UNC79: variants seen among roughly 807,000 people sequenced by gnomAD.
The protein encoded by UNC79 is protein unc-79 homolog.
In UNC79, 37 loss-of-function variants were observed where a neutral mutation model predicts 283.1. The observed-to-expected ratio is 0.13, with a 90% CI of 0.10 to 0.17. The LOEUF (loss-of-function observed/expected upper bound fraction) is 0.17. Ranked by LOEUF, UNC79 falls within the 10% of genes least tolerant of loss-of-function variation. UNC79 has a pLI of 1.00. For synonymous variants in UNC79, 1,107 were observed against 1,200.2 expected (o/e 0.92, Z 1.61); for missense variants, 2,272 against 3,211.1 (o/e 0.71, Z 7.07).
chr14:93,529,314 C>T, exon 10 of UNC79: 1 of 1,613,572 alleles, frequency 6.2e-7, no homozygotes, highest in South Asian at 1.1e-5. Context: ...GATTGATGTT[C>T]TTCTGCCACA....
chr14:93,522,278 T>C (rs1281724929), intron 7 of UNC79, among the ~76,000 whole-genome samples: 1 of 152,092 alleles, frequency 6.6e-6, no homozygotes, highest in Non-Finnish European at 1.5e-5. Context: ...TGAACTTCTG[T>C]AAAGCAATCT....
At chr14:93,375,742 C>G (rs1005007321) in intron 1 of UNC79, among the ~76,000 whole-genome samples, 1 of 152,062 alleles carries the variant, frequency 6.6e-6, no homozygotes, top group African/African-American at 2.4e-5. Flanking sequence ...CATGAGAGCT[C>G]TATCACGGGA....
At chr14:93,433,481 C>G (rs541682089) in intron 1 of UNC79, among the ~76,000 whole-genome samples, 33 of 152,190 alleles carry the variant, frequency 2.2e-4, no homozygotes, top group African/African-American at 7.9e-4. Flanking sequence ...AGATTGGCAG[C>G]ATTTTATCCT....
intron 47 of UNC79, among the ~76,000 whole-genome samples, chr14:93,704,394 G>A (rs544745079): frequency 6.6e-6 from 1 of 152,316 alleles, no homozygotes; most frequent in Non-Finnish European, 1.5e-5. Context: ...TTACTCTAAA[G>A]TGTGTATCTC....
intron 14 of UNC79, among the ~76,000 whole-genome samples, chr14:93,563,976 T>G (rs1288328329): frequency 6.6e-6 from 1 of 152,148 alleles, no homozygotes; most frequent in Non-Finnish European, 1.5e-5. Context: ...TTCATGATTT[T>G]GAGGGCCTCT....
At chr14:93,667,940 A>G (rs1213757914) in intron 40 of UNC79, among the ~76,000 whole-genome samples, 1 of 152,194 alleles carries the variant, frequency 6.6e-6, no homozygotes, top group African/African-American at 2.4e-5. Flanking sequence ...GCAAGAAAAT[A>G]ATTTTTTGTA....
chr14:93,530,852 T>A (rs539503835), intron 10 of UNC79, among the ~76,000 whole-genome samples: 2,141 of 152,180 alleles, frequency 0.014, 23 homozygotes, highest in Middle Eastern at 0.037. Context: ...GAGCTGGCAG[T>A]GAGCCGAGAT....
chr14:93,595,458 C>T (rs1417565473), intron 23 of UNC79, among the ~76,000 whole-genome samples: 1 of 152,080 alleles, frequency 6.6e-6, no homozygotes, highest in East Asian at 1.9e-4. Flanking sequence ...GAATAAAGTT[C>T]AGACTCCTTA....
At chr14:93,354,419 G>A (rs2054043884) in intron 1 of UNC79, among the ~76,000 whole-genome samples, 1 of 152,206 alleles carries the variant, frequency 6.6e-6, no homozygotes, top group African/African-American at 2.4e-5. Context: ...TTTTTAGCTT[G>A]GGATGCTCAA....
At chr14:93,335,489 AG>A in intron 1 of UNC79, among the ~76,000 whole-genome samples, 1 of 152,364 alleles carries the variant, frequency 6.6e-6, no homozygotes, top group Non-Finnish European at 1.5e-5. Flanking sequence ...CATTTTTTTA[AG>A]GCTAGTGTTA....
At chr14:93,679,564 T>C (rs1338109745) in intron 41 of UNC79, among the ~76,000 whole-genome samples, 3 of 152,242 alleles carry the variant, frequency 2.0e-5, no homozygotes, top group Non-Finnish European at 4.4e-5. Flanking sequence ...AGAAAGGTTT[T>C]CTTTTAAAGA....
At chr14:93,499,532 G>C (rs1182939366) in intron 7 of UNC79, among the ~76,000 whole-genome samples, 1 of 152,140 alleles carries the variant, frequency 6.6e-6, no homozygotes, top group Non-Finnish European at 1.5e-5. Context: ...TCTAGACATG[G>C]AAATCCATTC....
chr14:93,591,698 C>T (rs755303146), intron 22 of UNC79, among the ~76,000 whole-genome samples: 7 of 152,266 alleles, frequency 4.6e-5, no homozygotes, highest in Non-Finnish European at 1.0e-4. Flanking sequence ...AACGTCGTGA[C>T]TTTTGTCTGC....
chr14:93,436,297 G>T (rs1244034176), intron 1 of UNC79, among the ~76,000 whole-genome samples: 1 of 152,074 alleles, frequency 6.6e-6, no homozygotes, highest in Non-Finnish European at 1.5e-5. Context: ...TAAAACTACA[G>T]TTGTCAAAAG....
intron 41 of UNC79, among the ~76,000 whole-genome samples, chr14:93,679,964 CAGAA>C (rs1207144228): frequency 1.3e-5 from 2 of 151,962 alleles, no homozygotes; most frequent in Non-Finnish European, 2.9e-5. Flanking sequence ...AAAACAAAGA[CAGAA>C]AGGTTTATTA....
In UNC79 at chr14:93,550,531, A is replaced by AG. The variant is rs1354738342; in HGVS notation, c.1755+7835_1755+7836insG. Among the ~76,000 whole-genome samples, 79 of 144,222 alleles carry AG rather than the reference A, an allele frequency of 5.5e-4. 8 individuals are homozygous for AG. Among genetic ancestry groups the AG allele is most frequent in the East Asian group, 2.0e-3 (10 of 5,090 alleles). 94.6% of individuals were successfully genotyped at this position (144,222 alleles called of 152,430 possible). A position where few individuals can be genotyped will look rare whatever the true frequency, so the allele number is the denominator to read the frequency against. On this transcript the variant is annotated intron_variant, in intron 14 of 48. Transcript: ENST00000555664. ...CTCCGTATCAAAAAAAAAAAAAAAA[A>AG]AAAAAAAAAAGAGGAAGGAGTCTTC... is the stretch of plus-strand genomic sequence containing the variant.
intron 7 of UNC79, among the ~76,000 whole-genome samples, chr14:93,509,384 C>T (rs2059706832): frequency 1.3e-5 from 2 of 152,168 alleles, no homozygotes; most frequent in Non-Finnish European, 2.9e-5. Context: ...AAAGTCTTAA[C>T]TCATTGCAGC....
intron 1 of UNC79, among the ~76,000 whole-genome samples, chr14:93,459,749 C>A (rs1182173951): frequency 1.7e-5 from 2 of 115,664 alleles, no homozygotes; most frequent in African/African-American, 6.9e-5. Context: ...CGGCTCACTG[C>A]AAGCTCCGCC....
chr14:93,470,398 T>A (rs1207095511), intron 2 of UNC79, among the ~76,000 whole-genome samples: 1 of 152,194 alleles, frequency 6.6e-6, no homozygotes, highest in Non-Finnish European at 1.5e-5. Context: ...TAGTTGACTA[T>A]AAAATCAGTT....
Sources: gnomAD v4.1 joint callset for allele counts (sites outside exome capture counted in the v4.1 genomes callset) on GRCh38, gnomAD v4.1.1 for gene constraint, MANE v1.5 for transcripts, NCBI Gene and HGNC (gene_info 2026-07-23, HGNC 2026-07-21) for gene names.